Variants in SATB2 observed in about 807,000 individuals in gnomAD.
SATB2 encodes the protein SATB homeobox 2.
In SATB2, 1 loss-of-function variant was observed where a neutral mutation model predicts 73.4. The observed-to-expected ratio is 0.01, with a 90% CI of 0.00 to 0.06. SATB2 has a LOEUF of 0.06. SATB2 is among the 10% of genes least tolerant of loss of function. The pLI is 1.00. For synonymous variants in SATB2, 397 were observed against 367.0 expected (o/e 1.08, Z -0.93); for missense variants, 459 against 945.8 (o/e 0.49, Z 6.75).
chr2:199,318,382 C>T (rs1687793563), intron 9 of SATB2, among the ~76,000 whole-genome samples: 1 of 151,976 alleles, frequency 6.6e-6, no homozygotes, highest in African/African-American at 2.4e-5. Flanking sequence ...TTTTTAAAGG[C>T]TAGGAAACTA....
chr2:199,318,463 A>T (rs1311529454), intron 9 of SATB2, among the ~76,000 whole-genome samples: 1 of 152,128 alleles, frequency 6.6e-6, no homozygotes, highest in Non-Finnish European at 1.5e-5. Flanking sequence ...GTCCTAAAAA[A>T]TTATAGTTTT....
chr2:199,427,126 C>A lies in SATB2; in HGVS notation c.346+6212G>T, dbSNP rs185616144. On this transcript the variant is annotated intron_variant, in intron 3 of 10. Coordinates refer to ENST00000417098, the MANE Select transcript of SATB2 (RefSeq NM_001172509.2). ...CCCCTGACCTCAAGGGATCTGCCCA[C>A]CTCAGCCTCCCAAACTGCTGGGATT... 8.9e-4 allele frequency among the ~76,000 whole-genome samples: 135 copies of A among 152,288 alleles called. 1 individual carries two copies. The highest frequency in any genetic ancestry group is 1.3e-3 in the Non-Finnish European group (86 of 68,022).
At chr2:199,381,867 A>C (rs1230118873) in intron 3 of SATB2, 47 bp from the exon 4 acceptor site, 1 of 1,604,264 alleles carries the variant, frequency 6.2e-7, no homozygotes, top group African/African-American at 1.3e-5. Context: ...GCTATTTATT[A>C]AACCTTCCCA....
rs567636280 is a variant in SATB2 at position 199,439,156 on chromosome 2, G to C, written c.170-5642C>G. ...AAACTAAGAGGGCTCCTGCCCTTCCGTTATTCACAGACAAAGAAAGAAACA... is the reference window on the plus strand; with the variant it reads ...AAACTAAGAGGGCTCCTGCCCTTCCCTTATTCACAGACAAAGAAAGAAACA... On this transcript the variant is annotated intron_variant, in intron 2 of 10. Transcript: ENST00000417098. Among the ~76,000 whole-genome samples, 292 of 152,340 alleles carry C rather than the reference G, an allele frequency of 1.9e-3. 1 individual carries two copies. The highest frequency in any genetic ancestry group is 3.7e-3 in the Non-Finnish European group (253 of 68,036).
At chr2:199,350,900 G>A (rs1365488378) in intron 6 of SATB2, among the ~76,000 whole-genome samples, 1 of 151,846 alleles carries the variant, frequency 6.6e-6, no homozygotes, top group Non-Finnish European at 1.5e-5. Context: ...GCATGCGCCT[G>A]TAATCCCAGA....
chr2:199,330,720 T>C (rs1451178027), intron 7 of SATB2, among the ~76,000 whole-genome samples: 1 of 152,202 alleles, frequency 6.6e-6, no homozygotes, highest in East Asian at 1.9e-4. Context: ...ATATTCATAA[T>C]GAATTTGTTT....
chr2:199,404,592 A>T (rs1434080560), intron 3 of SATB2, among the ~76,000 whole-genome samples: 1 of 152,196 alleles, frequency 6.6e-6, no homozygotes, highest in Non-Finnish European at 1.5e-5. Context: ...AAAAAGTATG[A>T]ACCCTATGAG....
chr2:199,442,980 G>A (rs761361473), intron 2 of SATB2, among the ~76,000 whole-genome samples: 35 of 148,900 alleles, frequency 2.4e-4, no homozygotes, highest in Non-Finnish European at 4.8e-4. Context: ...TAGGGTTTCT[G>A]TCCTTTGTTA....
At chr2:199,300,994 A>G (rs374364870) in intron 10 of SATB2, among the ~76,000 whole-genome samples, 1 of 152,172 alleles carries the variant, frequency 6.6e-6, no homozygotes, top group East Asian at 1.9e-4. Context: ...CCCATGATGA[A>G]TGAAAAGCTA....
Position 199,463,639 on chromosome 2 carries a change from G to T in SATB2, c.-141+1197C>A, listed in dbSNP as rs565828114. Among the ~76,000 whole-genome samples, 161 of 152,282 alleles carry T rather than the reference G, an allele frequency of 1.1e-3. 2 individuals carry two copies. The highest frequency in any genetic ancestry group is 6.8e-3 in the Middle Eastern group (2 of 294). On this transcript the variant is annotated intron_variant, in intron 1 of 11. Transcript: ENST00000260926. The surrounding 1 kb of genome is among the most constrained non-coding windows in gnomAD (Gnocchi z 6.4). ...GTCGCGTCCCGGAGCCAACCCTTCC[G>T]CGTCGCCTGCAGTCCACGGGTTAAG...
chr2:199,377,897 T>G (rs551707712), intron 5 of SATB2, among the ~76,000 whole-genome samples: 13 of 152,240 alleles, frequency 8.5e-5, no homozygotes, highest in Admixed American at 2.0e-4. Flanking sequence ...AGAAACTGTT[T>G]AGGTCAGACA....
chr2:199,380,541 C>G, intron 4 of SATB2, 54 bp from the exon 5 acceptor site: 1 of 1,599,288 alleles, frequency 6.3e-7, no homozygotes, highest in Non-Finnish European at 8.5e-7. Flanking sequence ...GGGTCCCTGA[C>G]TGAAGAGGAG....
chr2:199,339,680 A>G (rs941277554), intron 7 of SATB2, among the ~76,000 whole-genome samples: 4 of 152,208 alleles, frequency 2.6e-5, no homozygotes, highest in Admixed American at 1.3e-4. Context: ...TTGGATAGTG[A>G]GAAATAATGA....
In SATB2 at chr2:199,464,433, G is replaced by GCACA. The variant is rs148806110; in HGVS notation, c.-141+399_-141+402dup. The stretch of plus-strand genomic sequence containing the variant: ...CACCACCATTTCCACGCGCGCGCGC[G>GCACA]CACACACACACACACACACACAGAG... On this transcript the variant is annotated intron_variant, in intron 1 of 11. Transcript: ENST00000260926. The surrounding 1 kb of genome is among the most constrained non-coding windows in gnomAD (Gnocchi z 6.6). 8.0e-4 allele frequency among the ~76,000 whole-genome samples: 119 copies of GCACA among 149,466 alleles called. No homozygotes were observed. The highest frequency in any genetic ancestry group is 3.5e-3 in the Middle Eastern group (1 of 286).
intron 10 of SATB2, among the ~76,000 whole-genome samples, chr2:199,275,977 CCTAA>C (rs1314088327): frequency 2.6e-5 from 4 of 152,168 alleles, no homozygotes; most frequent in Non-Finnish European, 5.9e-5. Context: ...AGTTATCTGT[CCTAA>C]CTATCTGTAT....
intron 10 of SATB2, among the ~76,000 whole-genome samples, chr2:199,276,201 A>G (rs907956391): frequency 6.6e-6 from 1 of 152,140 alleles, no homozygotes; most frequent in Non-Finnish European, 1.5e-5. Flanking sequence ...ATGAAAACCA[A>G]TCCAAATCCT....
rs1170209628 is a variant in SATB2, at chr2:199,455,773, C to A, written c.169+96G>T. On this transcript the variant is annotated intron_variant, in intron 2 of 10. Transcript: ENST00000417098. This position sits in a 1 kb window ranked among gnomAD's most constrained non-coding sequence, Gnocchi z 4.1. ...CAACCTGGAATTCACTTCCTGTAAT[C>A]CTACACCGCGACAGCGCCTAATCAA... The A allele has an allele frequency of 7.2e-7, 1 of 1,389,982 alleles. No individual in the cohort carries two copies. The highest frequency in any genetic ancestry group is 9.8e-7 in the Non-Finnish European group (1 of 1,016,516). The allele number at this position is 1,389,982 out of a possible 1,614,324, so 86.1% of individuals were successfully genotyped here. A position where few individuals can be genotyped will look rare whatever the true frequency, so the allele number is the denominator to read the frequency against.
upstream of SATB2, among the ~76,000 whole-genome samples, chr2:199,461,866 G>A (rs925832386): frequency 1.3e-5 from 2 of 152,098 alleles, no homozygotes; most frequent in Non-Finnish European, 2.9e-5. Context: ...GCACTCTAAT[G>A]ACGTTTCTTG....
At chr2:199,389,106 C>A (rs1439607452) in intron 3 of SATB2, among the ~76,000 whole-genome samples, 21 of 152,030 alleles carry the variant, frequency 1.4e-4, no homozygotes, top group Admixed American at 1.4e-3. Flanking sequence ...GGTATATCAT[C>A]AAATTGTAGC....
Sources: gnomAD v4.1 joint callset for allele counts (sites outside exome capture counted in the v4.1 genomes callset) on GRCh38, gnomAD v4.1.1 for gene constraint, Gnocchi (gnomAD v3.1) non-coding constraint, MANE v1.5 for transcripts, NCBI Gene and HGNC (gene_info 2026-07-23, HGNC 2026-07-21) for gene names.